PPP1CB: variants seen among roughly 807,000 people sequenced by gnomAD.
PPP1CB encodes serine/threonine-protein phosphatase PP1-beta catalytic subunit.
In PPP1CB, 2 loss-of-function variants were observed where a neutral mutation model predicts 43.7. That is an observed-to-expected ratio of 0.05 (90% CI 0.02 to 0.14). The LOEUF (loss-of-function observed/expected upper bound fraction) is 0.14. PPP1CB is among the 10% of genes least tolerant of loss of function. PPP1CB has a pLI of 1.00. For missense variants in PPP1CB, 84 were observed against 398.0 expected (o/e 0.21, Z 6.71); for synonymous variants, 136 against 135.6 (o/e 1.00, Z -0.02).
At chr2:28,778,758 C>T (rs879186091) in intron 2 of PPP1CB, 51 bp from the exon 3 acceptor site, 1 of 1,144,256 alleles carries the variant, frequency 8.7e-7, no homozygotes, top group South Asian at 1.3e-5. Context: ...TTCATAGAAG[C>T]TGCTTATAAC....
At chr2:28,770,735 T>G (rs1430384556) in intron 1 of PPP1CB, among the ~76,000 whole-genome samples, 6 of 152,124 alleles carry the variant, frequency 3.9e-5, no homozygotes, top group Non-Finnish European at 4.4e-5. Context: ...CCTGACCTAC[T>G]TGGCGGACAT....
At chr2:28,787,117 G>A (rs999057605) in intron 5 of PPP1CB, among the ~76,000 whole-genome samples, 1 of 152,128 alleles carries the variant, frequency 6.6e-6, no homozygotes, top group African/African-American at 2.4e-5. Flanking sequence ...ACCATACTAT[G>A]ATGTTTATGG....
At chr2:28,790,802 AC>A (rs1227507656) in intron 6 of PPP1CB, among the ~76,000 whole-genome samples, 1 of 152,248 alleles carries the variant, frequency 6.6e-6, no homozygotes, top group Non-Finnish European at 1.5e-5. Context: ...GAGAAGATAA[AC>A]AAATGTAGCA....
intron 7 of PPP1CB, among the ~76,000 whole-genome samples, chr2:28,795,582 T>C (rs1478046415): frequency 2.6e-5 from 4 of 152,214 alleles, no homozygotes; most frequent in Non-Finnish European, 5.9e-5. Flanking sequence ...TTTTTTCATA[T>C]ATTTGTTGGC....
chr2:28,786,165 G>T (rs1667261706), intron 5 of PPP1CB, among the ~76,000 whole-genome samples: 1 of 152,124 alleles, frequency 6.6e-6, no homozygotes, highest in Non-Finnish European at 1.5e-5. Flanking sequence ...CCAGGCTGGA[G>T]TGCAATGGCC....
chr2:28,764,485 A>G (rs547397707), intron 1 of PPP1CB, among the ~76,000 whole-genome samples: 2 of 151,920 alleles, frequency 1.3e-5, no homozygotes, highest in Non-Finnish European at 1.5e-5. Flanking sequence ...GAGAGACTCC[A>G]CATTTTAGCC....
intron 1 of PPP1CB, among the ~76,000 whole-genome samples, chr2:28,760,982 C>T (rs1222723163): frequency 6.6e-6 from 1 of 152,150 alleles, no homozygotes; most frequent in Non-Finnish European, 1.5e-5. Context: ...CTCACTGCAG[C>T]CTCCGCCTCC....
At chr2:28,799,141 ATTTTC>A in intron 7 of PPP1CB, 53 bp from the exon 8 acceptor site, 1 of 1,217,242 alleles carries the variant, frequency 8.2e-7, no homozygotes, top group Non-Finnish European at 1.2e-6. Context: ...AATTGTAACA[ATTTTC>A]TTAACTTCTG....
intron 7 of PPP1CB, among the ~76,000 whole-genome samples, chr2:28,794,320 TTTTG>T (rs1667450316): frequency 1.3e-5 from 2 of 152,226 alleles, no homozygotes; most frequent in Non-Finnish European, 2.9e-5. Flanking sequence ...TAGTTTAGGC[TTTTG>T]TTTTCTTTTG....
chr2:28,793,081 G>A (rs913371939), intron 6 of PPP1CB, among the ~76,000 whole-genome samples: 7 of 152,100 alleles, frequency 4.6e-5, no homozygotes, highest in Admixed American at 1.3e-4. Context: ...TGGTGGGTGC[G>A]TGTAGTCCCA....
In PPP1CB at chr2:28,774,253, T is replaced by A. The variant is rs7573505; in HGVS notation, c.53-2598T>A. Among the ~76,000 whole-genome samples the A allele has an allele frequency of 3.5e-4, 54 of 152,314 alleles. 1 individual carries two copies. The highest frequency in any genetic ancestry group is 1.3e-3 in the African/African-American group (53 of 41,572). ...TTAGTCTTTTGACTTAGTAGTCAAG[T>A]TACAACTAAGTTTTGATAATGTACT... On this transcript the variant is annotated intron_variant, in intron 1 of 7. Coordinates refer to ENST00000395366, the MANE Select transcript of PPP1CB (RefSeq NM_002709.3).
intron 1 of PPP1CB, among the ~76,000 whole-genome samples, chr2:28,774,117 C>T (rs1666977102): frequency 6.6e-6 from 1 of 152,126 alleles, no homozygotes; most frequent in African/African-American, 2.4e-5. Flanking sequence ...AAAAATGTTA[C>T]ACAATTACTT....
In PPP1CB at chr2:28,800,200, A is replaced by ATTGGTT. The variant is rs1465344252; in HGVS notation, c.*900_*905dup. ...ACTTCCTGGTAACACCTTCACCTGC[A>ATTGGTT]TTGGTTTTCTTTTTCTTTTTTCTTT... On this transcript the variant is annotated 3_prime_UTR_variant, in exon 8 of 8. Transcript: ENST00000395366. 8.4e-6 allele frequency: 1 copy of ATTGGTT among 119,432 alleles called. No homozygotes were observed. Among genetic ancestry groups the ATTGGTT allele is most frequent in the African/African-American group, 3.2e-5 (1 of 31,118 alleles). The allele number at this position is 119,432 out of a possible 1,614,324, so 7.4% of individuals were successfully genotyped here.
At position 28,793,955 on chromosome 2, in the gene PPP1CB, T is replaced by C; in HGVS notation, c.837T>C (p.Gly279=). The change falls in exon 7 of 8, where the codon GGT becomes GGC. Residue 279 remains glycine, a synonymous_variant. Coordinates refer to ENST00000395366, the MANE Select transcript of PPP1CB (RefSeq NM_002709.3). ...ACTGTGGCGAGTTTGATAATGCTGGTGGAATGATGAGTGTGGATGAAACTT... is the reference window on the plus strand; with the variant it reads ...ACTGTGGCGAGTTTGATAATGCTGGCGGAATGATGAGTGTGGATGAAACTT... The part of the protein sequence containing the change: ...PNYCGEFDNA[G]GMMSVDETLM... 1 of 1,614,122 alleles carries C rather than the reference T, an allele frequency of 6.2e-7. No individual in the cohort carries two copies. The highest frequency in any genetic ancestry group is 8.5e-7 in the Non-Finnish European group (1 of 1,180,002).
chr2:28,761,963 T>C (rs1366846714), intron 1 of PPP1CB, among the ~76,000 whole-genome samples: 1 of 152,160 alleles, frequency 6.6e-6, no homozygotes, highest in African/African-American at 2.4e-5. Flanking sequence ...CAATATTGCA[T>C]TAGAAGTTAA....
At chr2:28,763,950 C>T (rs1034839934) in intron 1 of PPP1CB, among the ~76,000 whole-genome samples, 1 of 151,944 alleles carries the variant, frequency 6.6e-6, no homozygotes, top group South Asian at 2.1e-4. Flanking sequence ...ATCCGCCCAC[C>T]TTAGCCTCCC....
At position 28,751,915 on chromosome 2, in the gene PPP1CB, T is replaced by C. The variant is rs1486032666; in HGVS notation, c.-210T>C. On this transcript the variant is annotated 5_prime_UTR_variant, in exon 1 of 8. Coordinates refer to ENST00000395366, the MANE Select transcript of PPP1CB (RefSeq NM_002709.3). ...CGAGGGGGCCTCTCTTGTTTATTTA[T>C]TTATTTTCCGTGGGTGCCTCCGAGT... is the stretch of plus-strand genomic sequence containing the variant. 9.8e-6 allele frequency: 6 copies of C among 609,194 alleles called. No homozygotes were observed. In the East Asian group the frequency reaches 1.8e-4, roughly 18 times the overall value. The allele number at this position is 609,194 out of a possible 1,614,324, so 37.7% of individuals were successfully genotyped here.
Position 28,754,221 on chromosome 2 carries a change from T to C in PPP1CB, c.52+2045T>C, listed in dbSNP as rs560367658. Among the ~76,000 whole-genome samples, 204 of 152,106 alleles carry C rather than the reference T, an allele frequency of 1.3e-3. 1 individual carries two copies. Among genetic ancestry groups the C allele is most frequent in the Non-Finnish European group, 2.4e-3 (161 of 68,014 alleles). On this transcript the variant is annotated intron_variant, in intron 1 of 7. Coordinates refer to ENST00000395366, the MANE Select transcript of PPP1CB (RefSeq NM_002709.3). ...TTATATGATTACAGGTACTTAAACT[T>C]CACGAGTGGGTTGTGCAAGGTTACT...
chr2:28,775,951 T>C (rs1013798004), intron 1 of PPP1CB, among the ~76,000 whole-genome samples: 2 of 152,196 alleles, frequency 1.3e-5, no homozygotes, highest in Non-Finnish European at 2.9e-5. Flanking sequence ...TAATGATCTA[T>C]TGGGAATGTA....
Sources: gnomAD v4.1 joint callset for allele counts (sites outside exome capture counted in the v4.1 genomes callset) on GRCh38, gnomAD v4.1.1 for gene constraint, MANE v1.5 for transcripts, NCBI Gene and HGNC (gene_info 2026-07-23, HGNC 2026-07-21) for gene names.